ATOSA: variants seen among roughly 807,000 people sequenced by gnomAD.
ATOSA encodes atos homolog protein A.
the ATOSA span, among the ~76,000 whole-genome samples, chr15:52,624,062 C>T: frequency 6.6e-6 from 1 of 152,050 alleles, no homozygotes; most frequent in Non-Finnish European, 1.5e-5. Context: ...TGCTTTTTAT[C>T]CCCAAAACAG....
At chr15:52,600,060 A>T in the ATOSA span, 1 of 709,760 alleles carries the variant, frequency 1.4e-6, no homozygotes, top group Non-Finnish European at 2.3e-6. Flanking sequence ...TTAAAGACAT[A>T]TAAAATGACA....
chr15:52,681,362 G>A, the ATOSA span, among the ~76,000 whole-genome samples: 1 of 152,086 alleles, frequency 6.6e-6, no homozygotes, highest in Non-Finnish European at 1.5e-5. Context: ...AACCAGATAG[G>A]GTCACTACTT....
At chr15:52,593,798 A>G in the ATOSA span, 1 of 1,442,510 alleles carries the variant, frequency 6.9e-7, no homozygotes, top group Non-Finnish European at 9.3e-7. Context: ...TTTTTTTTCT[A>G]TTTAAAGAAA....
the ATOSA span, among the ~76,000 whole-genome samples, chr15:52,602,945 C>T: frequency 6.6e-6 from 1 of 152,188 alleles, no homozygotes; most frequent in Non-Finnish European, 1.5e-5. Context: ...CTTGCTCTTA[C>T]ATAACATTAT....
the ATOSA span, chr15:52,651,951 G>A: frequency 3.3e-6 from 5 of 1,534,990 alleles, no homozygotes; most frequent in South Asian, 1.2e-5. Flanking sequence ...GCTATCAATA[G>A]CTATACTATC....
the ATOSA span, chr15:52,584,887 G>C: frequency 6.2e-7 from 1 of 1,613,070 alleles, no homozygotes; most frequent in South Asian, 1.1e-5. Context: ...GGCATATCTC[G>C]TAAATCATAT....
At chr15:52,649,517 T>C in the ATOSA span, 1 of 152,318 alleles carries the variant, frequency 6.6e-6, no homozygotes, top group African/African-American at 2.4e-5. Context: ...CAATCTGTTT[T>C]ACTTAAAACC....
the ATOSA span, among the ~76,000 whole-genome samples, chr15:52,647,173 T>A: frequency 6.6e-6 from 1 of 152,144 alleles, no homozygotes; most frequent in Non-Finnish European, 1.5e-5. Flanking sequence ...TTGTTTTACA[T>A]TTGTGTGTTC....
the ATOSA span, among the ~76,000 whole-genome samples, chr15:52,597,233 C>A: frequency 4.1e-5 from 2 of 48,620 alleles, no homozygotes; most frequent in East Asian, 4.7e-4. Flanking sequence ...CTATTCTATT[C>A]TATTCTATTC....
At chr15:52,617,700 ACT>A in the ATOSA span, among the ~76,000 whole-genome samples, 1 of 150,468 alleles carries the variant, frequency 6.6e-6, no homozygotes, top group African/African-American at 2.4e-5. Context: ...TGTAGCTTTT[ACT>A]CTTATTTTTC....
the ATOSA span, among the ~76,000 whole-genome samples, chr15:52,597,236 T>C: frequency 8.8e-5 from 2 of 22,650 alleles, no homozygotes; most frequent in African/African-American, 2.7e-4. Flanking sequence ...TTCTATTCTA[T>C]TCTATTCTAT....
chr15:52,615,188 G>A, the ATOSA span, among the ~76,000 whole-genome samples: 7 of 152,322 alleles, frequency 4.6e-5, no homozygotes, highest in Non-Finnish European at 8.8e-5. Context: ...TATGTGGAGT[G>A]TGGTATTCTG....
At chr15:52,607,114 G>T in the ATOSA span, among the ~76,000 whole-genome samples, 4 of 152,122 alleles carry the variant, frequency 2.6e-5, no homozygotes, top group Admixed American at 2.6e-4. Context: ...CATGAGTCTT[G>T]TAAAATTGAG....
chr15:52,609,823 C>A, the ATOSA span: 1 of 1,613,462 alleles, frequency 6.2e-7, no homozygotes, highest in East Asian at 2.2e-5. Context: ...AATTAAAGAG[C>A]CTATTAAAGG....
the ATOSA span, chr15:52,611,556 A>C: frequency 1.2e-6 from 2 of 1,611,270 alleles, no homozygotes; most frequent in South Asian, 2.2e-5. Context: ...ACAACTTTGA[A>C]CTACGTTCAA....
chr15:52,652,714 T>A, the ATOSA span, among the ~76,000 whole-genome samples: 3 of 152,202 alleles, frequency 2.0e-5, no homozygotes, highest in Non-Finnish European at 4.4e-5. Flanking sequence ...CAATACAAGA[T>A]TTAACTAGGT....
chr15:52,677,128 AAT>A, the ATOSA span, among the ~76,000 whole-genome samples: 3 of 152,336 alleles, frequency 2.0e-5, no homozygotes, highest in South Asian at 6.2e-4. Flanking sequence ...CAACCAGTTT[AAT>A]ATATATAAAT....
chr15:52,609,377 A>G, the ATOSA span: 1 of 1,613,920 alleles, frequency 6.2e-7, no homozygotes, highest in South Asian at 1.1e-5. Context: ...ACCGAACTGG[A>G]GTCATGCATG....
chr15:52,677,905 G>A, the ATOSA span: 4 of 1,451,096 alleles, frequency 2.8e-6, no homozygotes, highest in Admixed American at 1.7e-5. Flanking sequence ...ATATGATACA[G>A]AAATAGTTGA....
Sources: allele counts gnomAD v4.1 joint callset (sites outside exome capture counted in the v4.1 genomes callset), GRCh38; gene constraint gnomAD v4.1.1; transcripts MANE v1.5; gene names NCBI Gene and HGNC (gene_info 2026-07-23, HGNC 2026-07-21).